AUTS2: variants seen among roughly 807,000 people sequenced by gnomAD.
AUTS2 encodes activator of transcription and developmental regulator AUTS2.
In AUTS2, 17 loss-of-function variants were observed where a neutral mutation model predicts 112.4. The observed-to-expected ratio is 0.15, with a 90% CI of 0.10 to 0.23. The LOEUF (loss-of-function observed/expected upper bound fraction) is 0.23, where lower values mean the gene tolerates loss of function less well. Ranked by LOEUF, AUTS2 falls within the 10% of genes least tolerant of loss-of-function variation. The pLI is 1.00. For missense variants in AUTS2, 1,510 were observed against 1,701.6 expected (o/e 0.89, Z 1.98); for synonymous variants, 751 against 702.7 (o/e 1.07, Z -1.09).
At chr7:70,505,008 T>C (rs1360040429) in intron 5 of AUTS2, among the ~76,000 whole-genome samples, 1 of 152,176 alleles carries the variant, frequency 6.6e-6, no homozygotes, top group Admixed American at 6.5e-5. Flanking sequence ...AACAGACCAA[T>C]ACACTAAGCA....
At chr7:69,961,849 G>A (rs1423226680) in intron 2 of AUTS2, among the ~76,000 whole-genome samples, 2 of 151,810 alleles carry the variant, frequency 1.3e-5, no homozygotes, top group Non-Finnish European at 2.9e-5. Flanking sequence ...CCTTTTTGAG[G>A]GCTTTTTGGA....
chr7:70,525,850 G>T (rs565499608), intron 5 of AUTS2, among the ~76,000 whole-genome samples: 1 of 152,184 alleles, frequency 6.6e-6, no homozygotes, highest in East Asian at 1.9e-4. Flanking sequence ...TCCAGCCTTG[G>T]GTCAGTCACA....
At chr7:69,987,853 TC>T (rs775428260) in intron 2 of AUTS2, among the ~76,000 whole-genome samples, 4 of 152,234 alleles carry the variant, frequency 2.6e-5, no homozygotes, top group Non-Finnish European at 5.9e-5. Flanking sequence ...TTCATGTTGT[TC>T]CAGATGAATT....
chr7:69,779,858 T>C (rs1277072199), intron 1 of AUTS2, among the ~76,000 whole-genome samples: 10 of 152,026 alleles, frequency 6.6e-5, no homozygotes, highest in Admixed American at 6.6e-4. Flanking sequence ...TTATTCTTTA[T>C]TTTGTGTATT....
chr7:70,303,439 T>TACAC (rs371608891), intron 4 of AUTS2, among the ~76,000 whole-genome samples: 3,831 of 143,260 alleles, frequency 0.027, 60 homozygotes, highest in Admixed American at 0.032. Flanking sequence ...CGCGCGCACA[T>TACAC]ACACACACAC....
intron 2 of AUTS2, among the ~76,000 whole-genome samples, chr7:70,024,326 T>C (rs1800416060): frequency 6.6e-6 from 1 of 152,214 alleles, no homozygotes; most frequent in African/African-American, 2.4e-5. Flanking sequence ...ATTTAGTGAA[T>C]TGAGAACAAC....
intron 4 of AUTS2, among the ~76,000 whole-genome samples, chr7:70,259,614 G>A (rs1009778984): frequency 2.0e-5 from 3 of 152,210 alleles, no homozygotes; most frequent in African/African-American, 7.2e-5. Context: ...TTGACAGAAT[G>A]AGTCAAATCT....
chr7:69,728,517 G>A (rs886887235), intron 1 of AUTS2, among the ~76,000 whole-genome samples: 7 of 152,018 alleles, frequency 4.6e-5, no homozygotes, highest in Admixed American at 3.3e-4. Flanking sequence ...AATGTCTTTA[G>A]ACAAACATTG....
At chr7:69,890,301 GT>G (rs1397506831) in intron 1 of AUTS2, among the ~76,000 whole-genome samples, 1 of 152,168 alleles carries the variant, frequency 6.6e-6, no homozygotes, top group Non-Finnish European at 1.5e-5. Flanking sequence ...CCACAGCTGA[GT>G]TTAGGAGAGC....
intron 2 of AUTS2, among the ~76,000 whole-genome samples, chr7:69,902,677 T>G (rs1486336060): frequency 1.3e-5 from 2 of 152,154 alleles, no homozygotes; most frequent in African/African-American, 4.8e-5. Context: ...GCAACTGATC[T>G]TTTTACTCGG....
chr7:70,354,983 G>GGT (rs142343526), intron 4 of AUTS2, among the ~76,000 whole-genome samples: 3 of 145,746 alleles, frequency 2.1e-5, no homozygotes, highest in African/African-American at 5.1e-5. Context: ...TGTATGTATG[G>GGT]GTGTGTGTGT....
intron 2 of AUTS2, among the ~76,000 whole-genome samples, chr7:69,952,163 C>A (rs1045077502): frequency 3.9e-5 from 6 of 151,968 alleles, no homozygotes; most frequent in African/African-American, 1.5e-4. Context: ...CTTCCAAAAA[C>A]TGTTAAAGTC....
chr7:69,983,412 G>A (rs1798376961), intron 2 of AUTS2, among the ~76,000 whole-genome samples: 1 of 151,496 alleles, frequency 6.6e-6, no homozygotes, highest in Admixed American at 6.6e-5. Flanking sequence ...ATTCTCTCAA[G>A]TTATTGTTTT....
chr7:69,996,445 A>T (rs1798944945), intron 2 of AUTS2, among the ~76,000 whole-genome samples: 1 of 152,170 alleles, frequency 6.6e-6, no homozygotes, highest in Non-Finnish European at 1.5e-5. Context: ...GCATTGATTG[A>T]GATCATGGGT....
intron 4 of AUTS2, chr7:70,293,095 G>C (rs1311083468): frequency 6.6e-6 from 1 of 152,100 alleles, no homozygotes; most frequent in Admixed American, 6.6e-5. Flanking sequence ...TCCCTTCCCC[G>C]TACTTACACA....
intron 2 of AUTS2, among the ~76,000 whole-genome samples, chr7:70,015,576 A>G (rs1234109827): frequency 1.3e-5 from 2 of 152,212 alleles, no homozygotes; most frequent in Non-Finnish European, 2.9e-5. Flanking sequence ...GAATTAGTTG[A>G]GATAACACAA....
At chr7:70,789,014 T>C (rs1791699290) in intron 18 of AUTS2, among the ~76,000 whole-genome samples, 2 of 152,252 alleles carry the variant, frequency 1.3e-5, no homozygotes, top group Admixed American at 6.5e-5. Context: ...CTAAAATTGT[T>C]TTCAATGTCC....
intron 4 of AUTS2, among the ~76,000 whole-genome samples, chr7:70,285,627 T>C (rs564526223): frequency 1.3e-5 from 2 of 152,374 alleles, no homozygotes; most frequent in Admixed American, 1.3e-4. Flanking sequence ...TGCTTCCATG[T>C]ACTGATATCT....
At chr7:69,998,574 A>G (rs960981247) in intron 2 of AUTS2, among the ~76,000 whole-genome samples, 4 of 152,214 alleles carry the variant, frequency 2.6e-5, no homozygotes, top group Non-Finnish European at 1.5e-5. Context: ...TTGTGCATAC[A>G]TGCACCTGTT....
Sources: gnomAD v4.1 joint callset for allele counts (sites outside exome capture counted in the v4.1 genomes callset) on GRCh38, gnomAD v4.1.1 for gene constraint, MANE v1.5 for transcripts, NCBI Gene and HGNC (gene_info 2026-07-23, HGNC 2026-07-21) for gene names.